Variants in DIS3L2 observed in about 807,000 individuals in gnomAD.
The protein encoded by DIS3L2 is DIS3-like exonuclease 2.
A neutral mutation model predicts 97.5 loss-of-function variants in DIS3L2; 34 were observed. That is an observed-to-expected ratio of 0.35 (90% CI 0.27 to 0.46). DIS3L2 has a LOEUF of 0.46. Among genes scored for constraint, DIS3L2 ranks in the 20% least tolerant of loss-of-function variants. DIS3L2 has a pLI of 1.00. For missense variants in DIS3L2, 1,038 were observed against 1,146.0 expected, an observed-to-expected ratio of 0.91 and a Z score of 1.36; for synonymous variants, 435 against 445.2, an observed-to-expected ratio of 0.98 and a Z score of 0.29.
rs1040465806 is a variant in DIS3L2, at chr2:231,974,455, T to C, written c.-94+12690T>C. Among the ~76,000 whole-genome samples, 3 of 152,242 alleles carry C rather than the reference T, an allele frequency of 2.0e-5. No individual in the cohort carries two copies. The East Asian group carries it at 5.8e-4, about 29-fold the overall frequency. Reference sequence around the variant, plus strand: ...ATCTTGAAGTTCCTAATTTTTTTTTTCTGTGGTGTCTAATCTGTTGTCCCA... The same window carrying C: ...ATCTTGAAGTTCCTAATTTTTTTTTCCTGTGGTGTCTAATCTGTTGTCCCA... On this transcript the variant is annotated intron_variant, in intron 1 of 20. Transcript: ENST00000325385.
chr2:232,227,851 A>G (rs775818735), intron 10 of DIS3L2, among the ~76,000 whole-genome samples: 4 of 152,218 alleles, frequency 2.6e-5, no homozygotes, highest in Non-Finnish European at 5.9e-5. Context: ...CGTTTAGTTT[A>G]TAGGCATTTT....
intron 1 of DIS3L2, among the ~76,000 whole-genome samples, chr2:231,993,901 T>C (rs917523426): frequency 1.3e-5 from 2 of 152,142 alleles, no homozygotes; most frequent in African/African-American, 4.8e-5. Context: ...AATTTATCTT[T>C]TTTTTCCTTT....
At chr2:232,085,108 G>A (rs1289775506) in intron 5 of DIS3L2, among the ~76,000 whole-genome samples, 1 of 152,120 alleles carries the variant, frequency 6.6e-6, no homozygotes, top group Non-Finnish European at 1.5e-5. Context: ...TATAAACATG[G>A]TGAAACTGCT....
intron 1 of DIS3L2, among the ~76,000 whole-genome samples, chr2:231,995,467 A>T (rs542881500): frequency 1.7e-4 from 26 of 151,972 alleles, no homozygotes; most frequent in Non-Finnish European, 2.6e-4. Flanking sequence ...CAGCTGGTGT[A>T]TTTTTTCTAG....
Position 232,343,381 on chromosome 2 carries a change from GC to G in DIS3L2, c.1620del (p.Ser541LeufsTer52). On this transcript the variant is annotated frameshift_variant, in exon 14 of 14. Transcript: ENST00000273009. LOFTEE classifies it high-confidence loss of function. The stretch of plus-strand genomic sequence containing the variant: ...CAAGGATGGGGCTGCCCATCTTCAG[GC>G]CTCTCACAGCCCCTCTGCTGAAGAT... 6.4e-7 allele frequency: 1 copy of G among 1,556,160 alleles called. No homozygotes were observed. Among genetic ancestry groups the G allele is most frequent in the Middle Eastern group, 1.7e-4 (1 of 5,996 alleles).
intron 10 of DIS3L2, among the ~76,000 whole-genome samples, chr2:232,213,403 C>T (rs150367453): frequency 6.6e-6 from 1 of 152,138 alleles, no homozygotes; most frequent in Admixed American, 6.5e-5. Flanking sequence ...AGGGAAGACT[C>T]TGAAACGGCC....
At chr2:232,310,483 C>T (rs940957761) in intron 14 of DIS3L2, among the ~76,000 whole-genome samples, 11 of 152,258 alleles carry the variant, frequency 7.2e-5, no homozygotes, top group Admixed American at 2.6e-4. Context: ...CACCGTCCAC[C>T]CACACAGAGG....
chr2:232,039,879 A>G (rs865956134), intron 5 of DIS3L2, among the ~76,000 whole-genome samples: 1 of 152,216 alleles, frequency 6.6e-6, no homozygotes, highest in Non-Finnish European at 1.5e-5. Context: ...GTTAGGAAGC[A>G]TTGATCCTGA....
At chr2:232,181,583 G>C (rs1249263) in intron 9 of DIS3L2, among the ~76,000 whole-genome samples, 9 of 151,806 alleles carry the variant, frequency 5.9e-5, no homozygotes, top group African/African-American at 1.7e-4. Context: ...ATCGCTGATA[G>C]CCTTTCTTCC....
intron 5 of DIS3L2, among the ~76,000 whole-genome samples, chr2:232,081,635 C>T (rs912914459): frequency 6.6e-6 from 1 of 152,064 alleles, no homozygotes; most frequent in Non-Finnish European, 1.5e-5. Flanking sequence ...CCAGAGAAGC[C>T]CCTTTATGAT....
rs530291763 is a variant in DIS3L2, at chr2:232,096,243, C to T, written c.601+8522C>T. 8.5e-4 allele frequency among the ~76,000 whole-genome samples: 130 copies of T among 152,086 alleles called. 2 individuals are homozygous for T. In the South Asian group the frequency reaches 0.011, roughly 12 times the overall value. On this transcript the variant is annotated intron_variant, in intron 6 of 20. Coordinates refer to ENST00000325385, the MANE Select transcript of DIS3L2 (RefSeq NM_152383.5). ...CTGGGACTACAGGCGCCCGCCACCA[C>T]GCTCGGCTAATTTTTTGTATTTTTA... is the stretch of plus-strand genomic sequence containing the variant.
chr2:232,054,994 G>A (rs1242256469), intron 5 of DIS3L2, among the ~76,000 whole-genome samples: 2 of 152,116 alleles, frequency 1.3e-5, no homozygotes, highest in East Asian at 1.9e-4. Flanking sequence ...GTTACCAGAA[G>A]AAAGGAAAAA....
At chr2:232,223,955 G>A (rs1692573711) in intron 10 of DIS3L2, among the ~76,000 whole-genome samples, 2 of 152,134 alleles carry the variant, frequency 1.3e-5, no homozygotes, top group Non-Finnish European at 2.9e-5. Flanking sequence ...GGATGTGGTG[G>A]TGCACGTCTA....
At chr2:232,219,599 T>C (rs2106230074) in intron 10 of DIS3L2, among the ~76,000 whole-genome samples, 1 of 152,340 alleles carries the variant, frequency 6.6e-6, no homozygotes, top group African/African-American at 2.4e-5. Context: ...GTCTCAGTGG[T>C]ACCTATAAGA....
chr2:232,148,082 ACT>A (rs1431011819), intron 8 of DIS3L2, among the ~76,000 whole-genome samples: 3 of 128,630 alleles, frequency 2.3e-5, no homozygotes, highest in Non-Finnish European at 4.7e-5. Flanking sequence ...ACGGAGTCTC[ACT>A]GTGTCGCCAG....
chr2:231,992,917 T>C (rs573588974), intron 1 of DIS3L2, among the ~76,000 whole-genome samples: 1 of 152,352 alleles, frequency 6.6e-6, no homozygotes, highest in African/African-American at 2.4e-5. Flanking sequence ...CTATTGAACT[T>C]TGAGGCTCCT....
chr2:232,127,972 A>G (rs1698111291), intron 6 of DIS3L2, among the ~76,000 whole-genome samples: 1 of 151,892 alleles, frequency 6.6e-6, no homozygotes, highest in Non-Finnish European at 1.5e-5. Flanking sequence ...TTTTTTTGAG[A>G]CAGGGGCTCA....
rs751938833 is a variant in DIS3L2 at position 232,334,445 on chromosome 2, G to A, written c.2235G>A (p.Ala745=). ...ACCACTGTAACGACCGCCGCATGGC[G>A]TCCAAGCGCGTGCAGGAGCTCAGTA... ...QADHCNDRRM[A]SKRVQELSTS... Residue 745 remains alanine (A), a synonymous_variant, in exon 18 of 21, where the codon GCG becomes GCA. Transcript: ENST00000325385. 17 of 1,613,826 alleles carry A rather than the reference G, an allele frequency of 1.1e-5. No individual in the cohort carries two copies. Among genetic ancestry groups the A allele is most frequent in the African/African-American group, 4.0e-5 (3 of 74,936 alleles).
intron 7 of DIS3L2, among the ~76,000 whole-genome samples, 197 bp from the exon 8 acceptor site, chr2:232,136,275 A>G (rs1390198916): frequency 6.6e-6 from 1 of 152,124 alleles, no homozygotes; most frequent in East Asian, 1.9e-4. Flanking sequence ...TTTTTCTTGG[A>G]TATGTATGCC....
Sources: allele counts gnomAD v4.1 joint callset (sites outside exome capture counted in the v4.1 genomes callset), GRCh38; gene constraint gnomAD v4.1.1; transcripts MANE v1.5; gene names NCBI Gene and HGNC (gene_info 2026-07-23, HGNC 2026-07-21).